Variants in DLG2 observed in about 807,000 individuals in gnomAD.
The protein encoded by DLG2 is discs large MAGUK scaffold protein 2.
DLG2 carries 45 observed loss-of-function variants against 132.5 expected under a neutral mutation model. That is an observed-to-expected ratio of 0.34 (90% CI 0.27 to 0.44). The LOEUF (loss-of-function observed/expected upper bound fraction) is 0.44. Among genes scored for constraint, DLG2 ranks in the 20% least tolerant of loss-of-function variants. DLG2 has a pLI of 1.00. For synonymous variants in DLG2, 424 were observed against 419.6 expected (o/e 1.01, Z -0.13); for missense variants, 1,045 against 1,196.9 (o/e 0.87, Z 1.87).
At chr11:84,978,267 C>G (rs1382146994) in intron 6 of DLG2, among the ~76,000 whole-genome samples, 2 of 152,152 alleles carry the variant, frequency 1.3e-5, no homozygotes, top group African/African-American at 4.8e-5. Context: ...TCATCCCCAT[C>G]AAGCTACCAA....
At chr11:84,228,884 G>A (rs933610957) in intron 8 of DLG2, among the ~76,000 whole-genome samples, 2 of 152,112 alleles carry the variant, frequency 1.3e-5, no homozygotes, top group Non-Finnish European at 2.9e-5. Flanking sequence ...TGCCTAAACT[G>A]GGAGCCTTGG....
chr11:85,566,597 T>C lies in DLG2; in HGVS notation c.40+32060A>G, dbSNP rs571451350. On this transcript the variant is annotated intron_variant, in intron 3 of 27. Transcript: ENST00000376104. ...GCTGACTTATCATTATATATTCATA[T>C]GGCAGAAAGAGGGCAAGAGAGTTCC... is the stretch of plus-strand genomic sequence containing the variant. 2.3e-4 allele frequency among the ~76,000 whole-genome samples: 35 copies of C among 152,240 alleles called. 1 individual carries two copies. The highest frequency in any genetic ancestry group is 8.2e-4 in the African/African-American group (34 of 41,552).
chr11:84,386,278 G>T (rs936860861), intron 7 of DLG2, among the ~76,000 whole-genome samples: 1 of 151,660 alleles, frequency 6.6e-6, no homozygotes, highest in African/African-American at 2.4e-5. Context: ...AGTATCTATT[G>T]ATTTCTATAC....
chr11:84,985,076 C>A (rs545184871), intron 6 of DLG2, among the ~76,000 whole-genome samples: 1 of 152,270 alleles, frequency 6.6e-6, no homozygotes, highest in Non-Finnish European at 1.5e-5. Flanking sequence ...ATCATCAAGA[C>A]AGAAAGTTAA....
intron 15 of DLG2, among the ~76,000 whole-genome samples, chr11:83,875,910 C>A (rs1389499852): frequency 6.6e-6 from 1 of 152,048 alleles, no homozygotes; most frequent in Non-Finnish European, 1.5e-5. Context: ...ATTTTGAGAC[C>A]ATAGCTGAAA....
At chr11:85,395,114 T>C (rs2087183799) in intron 3 of DLG2, among the ~76,000 whole-genome samples, 2 of 152,340 alleles carry the variant, frequency 1.3e-5, no homozygotes, top group South Asian at 4.1e-4. Context: ...TTTGTTTATC[T>C]GTTCCTTTGG....
intron 18 of DLG2, among the ~76,000 whole-genome samples, chr11:83,743,777 C>T (rs2092714902): frequency 6.6e-6 from 1 of 152,008 alleles, no homozygotes; most frequent in Admixed American, 6.6e-5. Context: ...GTTTTCTCAT[C>T]TATAAATTGT....
chr11:83,696,961 A>G (rs1456763041), intron 18 of DLG2, among the ~76,000 whole-genome samples: 1 of 152,238 alleles, frequency 6.6e-6, no homozygotes, highest in African/African-American at 2.4e-5. Context: ...CTGTGGTTCA[A>G]TGCTGCTAAA....
chr11:85,034,739 G>A (rs2061314480), intron 6 of DLG2, among the ~76,000 whole-genome samples: 1 of 152,014 alleles, frequency 6.6e-6, no homozygotes, highest in Admixed American at 6.5e-5. Context: ...CTAGTTTCAG[G>A]GCGATCCTGT....
At chr11:85,137,004 A>T (rs2076179341) in intron 5 of DLG2, among the ~76,000 whole-genome samples, 1 of 151,968 alleles carries the variant, frequency 6.6e-6, no homozygotes. Context: ...ACATATATAC[A>T]TATGTGCATA....
intron 6 of DLG2, among the ~76,000 whole-genome samples, chr11:84,905,476 T>C (rs535190495): frequency 6.6e-6 from 1 of 152,264 alleles, no homozygotes; most frequent in South Asian, 2.1e-4. Flanking sequence ...ATAAAATAGA[T>C]TTTCTCTTTT....
intron 6 of DLG2, among the ~76,000 whole-genome samples, chr11:84,723,057 G>C (rs1360204595): frequency 6.6e-6 from 1 of 152,146 alleles, no homozygotes; most frequent in Non-Finnish European, 1.5e-5. Context: ...GTGATTGTGT[G>C]AGCACTCCCA....
At chr11:84,308,196 G>A (rs1484501446) in intron 7 of DLG2, among the ~76,000 whole-genome samples, 2 of 152,022 alleles carry the variant, frequency 1.3e-5, no homozygotes, top group Non-Finnish European at 2.9e-5. Context: ...TTTGACAGGG[G>A]GCTGATTGGT....
chr11:84,258,667 G>A (rs1219926259), intron 7 of DLG2, among the ~76,000 whole-genome samples: 3 of 152,202 alleles, frequency 2.0e-5, no homozygotes, highest in African/African-American at 7.2e-5. Flanking sequence ...ACAAATCTAA[G>A]AGGTGCCACA....
chr11:85,099,297 T>C (rs2070452504), intron 6 of DLG2, among the ~76,000 whole-genome samples: 1 of 152,116 alleles, frequency 6.6e-6, no homozygotes, highest in African/African-American at 2.4e-5. Context: ...TCTAATGAGG[T>C]GAGTCTGAGC....
intron 11 of DLG2, among the ~76,000 whole-genome samples, chr11:83,989,311 G>A (rs559067955): frequency 2.8e-4 from 43 of 152,184 alleles, no homozygotes; most frequent in Non-Finnish European, 4.4e-4. Context: ...TGATTCTTTC[G>A]TCTTATAACT....
chr11:83,903,092 A>T (rs1263848811), intron 15 of DLG2, among the ~76,000 whole-genome samples: 2 of 152,134 alleles, frequency 1.3e-5, no homozygotes, highest in Non-Finnish European at 2.9e-5. Flanking sequence ...CAGCCTCTTT[A>T]ATACAGAAGA....
At chr11:83,634,327 G>A (rs7123890) in intron 18 of DLG2, among the ~76,000 whole-genome samples, 7,653 of 151,972 alleles carry the variant, frequency 0.05, 668 homozygotes, top group African/African-American at 0.18. Flanking sequence ...AGAAAGAATC[G>A]GTTCTAAGGT....
rs192539840 is a variant in DLG2, at chr11:84,196,716, G to C, written c.574-33205C>G. ...TAATTTACATTTATTTATGTTTATA[G>C]AGTGTTTCCTAAAGAAACAAGGTTA... On this transcript the variant is annotated intron_variant, in intron 8 of 27. Coordinates refer to ENST00000376104, the MANE Select transcript of DLG2 (RefSeq NM_001142699.3). 3.1e-3 allele frequency among the ~76,000 whole-genome samples: 473 copies of C among 152,166 alleles called. 2 individuals carry two copies. The highest frequency in any genetic ancestry group is 0.011 in the African/African-American group (456 of 41,528).
Sources: allele counts gnomAD v4.1 joint callset (sites outside exome capture counted in the v4.1 genomes callset), GRCh38; gene constraint gnomAD v4.1.1; transcripts MANE v1.5; gene names NCBI Gene and HGNC (gene_info 2026-07-23, HGNC 2026-07-21).